The following SGCD variants were observed in gnomAD, a reference collection of about 807,000 sequenced individuals.
SGCD encodes sarcoglycan delta.
SGCD carries 18 observed loss-of-function variants against 36.6 expected under a neutral mutation model. The ratio of observed to expected loss-of-function variants is 0.49; its 90% CI spans 0.34 to 0.73. The LOEUF (loss-of-function observed/expected upper bound fraction) is 0.73, where lower values mean the gene tolerates loss of function less well. SGCD is among the 30% of genes least tolerant of loss of function. The probability of loss-of-function intolerance (pLI) is 0.01; values close to 1 mark genes in which losing one functional copy is unlikely to be tolerated. For missense variants in SGCD, 387 were observed against 346.7 expected, an observed-to-expected ratio of 1.12 and a Z score of -0.92; for synonymous variants, 133 against 130.6, an observed-to-expected ratio of 1.02 and a Z score of -0.12.
At chr5:156,635,382 A>G (rs1762786924) in intron 6 of SGCD, among the ~76,000 whole-genome samples, 1 of 152,184 alleles carries the variant, frequency 6.6e-6, no homozygotes, top group African/African-American at 2.4e-5. Context: ...AAGTCAGGGA[A>G]CAACAGATGC....
chr5:156,673,748 C>A (rs144531745), intron 7 of SGCD, among the ~76,000 whole-genome samples: 3 of 152,192 alleles, frequency 2.0e-5, no homozygotes, highest in Non-Finnish European at 2.9e-5. Flanking sequence ...CTTCACACTT[C>A]GTGGCAGCTT....
At chr5:156,524,134 A>AG (rs1757542537) in intron 4 of SGCD, among the ~76,000 whole-genome samples, 1 of 89,116 alleles carries the variant, frequency 1.1e-5, no homozygotes, top group Non-Finnish European at 2.5e-5. Flanking sequence ...ATATATATAT[A>AG]TATATATATA....
chr5:155,747,584 A>G, the SGCD span, among the ~76,000 whole-genome samples: 1 of 152,184 alleles, frequency 6.6e-6, no homozygotes, highest in African/African-American at 2.4e-5. Context: ...TGGTGAACTA[A>G]CTTGCTCAAG....
At chr5:156,450,972 A>G (rs1753983243) in intron 3 of SGCD, among the ~76,000 whole-genome samples, 1 of 152,102 alleles carries the variant, frequency 6.6e-6, no homozygotes, top group Non-Finnish European at 1.5e-5. Context: ...GAAGGGTTTT[A>G]TTTTCTGTTT....
rs1376182537 is a variant in SGCD at position 156,764,397 on chromosome 5, A to T, written c.*5007A>T. 1 of 152,658 alleles carries T rather than the reference A, an allele frequency of 6.6e-6. No individual in the cohort carries two copies. Among genetic ancestry groups the T allele is most frequent in the Non-Finnish European group, 1.5e-5 (1 of 68,044 alleles). 9.5% of individuals were successfully genotyped at this position (152,658 alleles called of 1,614,324 possible). On this transcript the variant is annotated 3_prime_UTR_variant, in exon 9 of 9. Coordinates refer to ENST00000337851, the MANE Select transcript of SGCD (RefSeq NM_000337.6). ...CCAAACCACTGATAAGAGATAAAGCAGTCTGAAGCCTGCTGCTTCAGCCAG... is the reference window on the plus strand; with the variant it reads ...CCAAACCACTGATAAGAGATAAAGCTGTCTGAAGCCTGCTGCTTCAGCCAG...
At chr5:156,626,706 T>G (rs1762453410) in intron 6 of SGCD, among the ~76,000 whole-genome samples, 1 of 152,202 alleles carries the variant, frequency 6.6e-6, no homozygotes, top group Admixed American at 6.5e-5. Context: ...TGCTGACATT[T>G]GTTAAGCAAC....
intron 3 of SGCD, among the ~76,000 whole-genome samples, chr5:156,415,123 A>C (rs1370339739): frequency 6.6e-6 from 1 of 152,168 alleles, no homozygotes; most frequent in African/African-American, 2.4e-5. Flanking sequence ...CTAGATATAC[A>C]GTAAAGGTCT....
chr5:156,122,270 G>A (rs1384523651), intron 2 of SGCD, among the ~76,000 whole-genome samples: 1 of 152,094 alleles, frequency 6.6e-6, no homozygotes, highest in African/African-American at 2.4e-5. Flanking sequence ...GTGAAGTGCT[G>A]GAGACACAGC....
chr5:155,974,024 TTCTC>T (rs1758059437), intron 1 of SGCD, among the ~76,000 whole-genome samples: 1 of 152,160 alleles, frequency 6.6e-6, no homozygotes, highest in African/African-American at 2.4e-5. Flanking sequence ...TATAAGCAAG[TTCTC>T]TCTGGCAGTC....
chr5:156,236,574 C>G (rs963156551), intron 3 of SGCD, among the ~76,000 whole-genome samples: 5 of 151,814 alleles, frequency 3.3e-5, no homozygotes, highest in African/African-American at 9.7e-5. Flanking sequence ...CTCAGCCTCC[C>G]GAGTAGCTGG....
At chr5:156,502,057 T>A (rs1332637384) in intron 3 of SGCD, among the ~76,000 whole-genome samples, 2 of 151,666 alleles carry the variant, frequency 1.3e-5, no homozygotes, top group Non-Finnish European at 2.9e-5. Flanking sequence ...TTTTTTTGTT[T>A]GGTTTTTGGG....
chr5:156,309,055 A>T (rs1004645906), intron 3 of SGCD, among the ~76,000 whole-genome samples: 1 of 152,108 alleles, frequency 6.6e-6, no homozygotes, highest in African/African-American at 2.4e-5. Flanking sequence ...TTACCTCTCT[A>T]TTGCTGCATT....
intron 3 of SGCD, among the ~76,000 whole-genome samples, chr5:156,309,601 AT>A (rs3043458): frequency 0.45 from 54,153 of 120,586 alleles, 9,056 homozygotes; most frequent in East Asian, 0.75. Flanking sequence ...ATCTTTGAGC[AT>A]TTTTTTTTTT....
intron 3 of SGCD, among the ~76,000 whole-genome samples, chr5:156,448,690 A>G (rs929150642): frequency 7.3e-6 from 1 of 137,048 alleles, no homozygotes; most frequent in African/African-American, 2.8e-5. Context: ...AACATTATCC[A>G]TGGGTTGCTT....
intron 1 of SGCD, among the ~76,000 whole-genome samples, chr5:155,880,261 C>T (rs1755855233): frequency 6.6e-6 from 1 of 152,188 alleles, no homozygotes; most frequent in South Asian, 2.1e-4. Context: ...GCTTGGCACA[C>T]TGCATGGCCC....
In SGCD at chr5:156,627,384, C is replaced by T. The variant is rs569136888; in HGVS notation, c.503-20080C>T. On this transcript the variant is annotated intron_variant, in intron 6 of 8. Coordinates refer to ENST00000337851, the MANE Select transcript of SGCD (RefSeq NM_000337.6). Reference sequence around the variant, plus strand: ...AGAGCACTTAACAGACCTAGGTAGACATCTTACCTTTAATCTCAAATTAAT... The same window carrying T: ...AGAGCACTTAACAGACCTAGGTAGATATCTTACCTTTAATCTCAAATTAAT... Among the ~76,000 whole-genome samples the T allele has an allele frequency of 3.9e-5, 6 of 152,216 alleles. No individual in the cohort carries two copies. In the South Asian group the frequency reaches 1.0e-3, roughly 26 times the overall value.
At chr5:156,408,266 C>G (rs573272984) in intron 3 of SGCD, among the ~76,000 whole-genome samples, 9 of 152,222 alleles carry the variant, frequency 5.9e-5, no homozygotes, top group Admixed American at 2.0e-4. Context: ...ACATTGCACT[C>G]CTTGGACATG....
chr5:156,077,146 G>C (rs1417293754), intron 1 of SGCD, among the ~76,000 whole-genome samples: 1 of 152,082 alleles, frequency 6.6e-6, no homozygotes, highest in Non-Finnish European at 1.5e-5. Flanking sequence ...ATTAAGATGT[G>C]TGGCTTAATG....
intron 3 of SGCD, among the ~76,000 whole-genome samples, chr5:156,474,042 G>A (rs941364648): frequency 4.0e-5 from 6 of 151,014 alleles, no homozygotes; most frequent in African/African-American, 7.3e-5. Flanking sequence ...ATTTTCCCCA[G>A]CCCCTTCATT....
Sources: allele counts gnomAD v4.1 joint callset (sites outside exome capture counted in the v4.1 genomes callset), GRCh38; gene constraint gnomAD v4.1.1; transcripts MANE v1.5; gene names NCBI Gene and HGNC (gene_info 2026-07-23, HGNC 2026-07-21).